The following WWP1 variants were observed in gnomAD, a reference collection of about 807,000 sequenced individuals.
The protein encoded by WWP1 is WW domain containing E3 ubiquitin protein ligase 1, also known as NEDD4-like E3 ubiquitin-protein ligase WWP1.
WWP1 carries 49 observed loss-of-function variants against 130.6 expected under a neutral mutation model. The observed-to-expected ratio is 0.38, with a 90% confidence interval of 0.30 to 0.48. The LOEUF (loss-of-function observed/expected upper bound fraction) is 0.48, where lower values mean the gene tolerates loss of function less well. Ranked by LOEUF, WWP1 falls within the 20% of genes least tolerant of loss-of-function variation. The probability of loss-of-function intolerance (pLI) is 0.99; values close to 1 mark genes in which losing one functional copy is unlikely to be tolerated. For synonymous variants in WWP1, 332 were observed against 367.8 expected (o/e 0.90, Z 1.11); for missense variants, 809 against 1,100.6 (o/e 0.74, Z 3.75).
At chr8:86,375,970 G>T (rs926130146) in intron 3 of WWP1, among the ~76,000 whole-genome samples, 3 of 152,192 alleles carry the variant, frequency 2.0e-5, no homozygotes, top group African/African-American at 7.2e-5. Flanking sequence ...CACTGAAGTG[G>T]TATCTTAGTG....
intron 8 of WWP1, among the ~76,000 whole-genome samples, chr8:86,408,019 A>G (rs1180188792): frequency 1.3e-5 from 2 of 152,230 alleles, no homozygotes; most frequent in Non-Finnish European, 1.5e-5. Context: ...TATCATACAG[A>G]ATAGTTTTAC....
At chr8:86,394,305 T>C (rs1041679275) in intron 5 of WWP1, among the ~76,000 whole-genome samples, 2 of 152,196 alleles carry the variant, frequency 1.3e-5, no homozygotes, top group African/African-American at 4.8e-5. Flanking sequence ...GTATTAACAC[T>C]AAGGAAGAAG....
chr8:86,406,607 C>T (rs963168170), intron 8 of WWP1, among the ~76,000 whole-genome samples: 5 of 152,156 alleles, frequency 3.3e-5, no homozygotes, highest in African/African-American at 1.2e-4. Flanking sequence ...AGGAAATTGA[C>T]ATGAATACAA....
chr8:86,381,497 C>T lies in WWP1; in HGVS notation c.210-8C>T. ...CCTGTATTTTTGTTAATAATTTTAC[C>T]CTTCCAGAAATGTTACGCCACAGAC... On this transcript the variant is annotated splice_region_variant and splice_polypyrimidine_tract_variant and intron_variant, in intron 4 of 24. Coordinates refer to ENST00000517970, the MANE Select transcript of WWP1 (RefSeq NM_007013.4). 6.3e-7 allele frequency: 1 copy of T among 1,599,002 alleles called. No homozygotes were observed. The highest frequency in any genetic ancestry group is 8.5e-7 in the Non-Finnish European group (1 of 1,176,244).
intron 5 of WWP1, among the ~76,000 whole-genome samples, chr8:86,389,355 ACT>A (rs1239003969): frequency 1.3e-5 from 2 of 151,748 alleles, no homozygotes; most frequent in Non-Finnish European, 2.9e-5. Context: ...GAGTGTGATG[ACT>A]CTTAACGAGT....
chr8:86,372,945 C>G (rs930679459), intron 2 of WWP1, among the ~76,000 whole-genome samples: 6 of 152,066 alleles, frequency 3.9e-5, no homozygotes, highest in African/African-American at 1.2e-4. Flanking sequence ...ACCAGATGAC[C>G]TACTAACACA....
At chr8:86,357,540 A>G (rs981523654) in intron 1 of WWP1, among the ~76,000 whole-genome samples, 5 of 152,240 alleles carry the variant, frequency 3.3e-5, no homozygotes, top group Non-Finnish European at 5.9e-5. Flanking sequence ...AGTAGCAAAT[A>G]TGTATTAAAC....
intron 24 of WWP1, among the ~76,000 whole-genome samples, chr8:86,463,631 A>ATT (rs145349940): frequency 2.7e-5 from 4 of 150,872 alleles, no homozygotes; most frequent in Non-Finnish European, 4.4e-5. Flanking sequence ...AGCAAATGTG[A>ATT]TTTTTTTTTC....
intron 1 of WWP1, among the ~76,000 whole-genome samples, chr8:86,343,755 G>C (rs1159585094): frequency 6.6e-6 from 1 of 151,914 alleles, no homozygotes; most frequent in Non-Finnish European, 1.5e-5. Context: ...TATTTTCCAG[G>C]GGCTTGATTT....
chr8:86,362,163 C>CGTATATAT (rs1554554005), intron 1 of WWP1, among the ~76,000 whole-genome samples: 3 of 59,022 alleles, frequency 5.1e-5, no homozygotes, highest in African/African-American at 3.0e-4. Context: ...ATATACAAGG[C>CGTATATAT]ATATATATAT....
chr8:86,375,037 G>A (rs1361463776), intron 3 of WWP1, among the ~76,000 whole-genome samples: 1 of 151,906 alleles, frequency 6.6e-6, no homozygotes, highest in Non-Finnish European at 1.5e-5. Flanking sequence ...CATTCAAAAT[G>A]ACATTATCAT....
At chr8:86,379,133 A>G (rs1824838303) in intron 3 of WWP1, among the ~76,000 whole-genome samples, 1 of 152,180 alleles carries the variant, frequency 6.6e-6, no homozygotes, top group Non-Finnish European at 1.5e-5. Flanking sequence ...GAGGAAATAT[A>G]TGAGCACTTT....
intron 9 of WWP1, among the ~76,000 whole-genome samples, chr8:86,419,391 T>G (rs972159210): frequency 6.6e-6 from 1 of 152,180 alleles, no homozygotes; most frequent in African/African-American, 2.4e-5. Flanking sequence ...GCAGTCCAGC[T>G]TGGGTGACAG....
At chr8:86,420,154 G>A (rs192609515) in intron 9 of WWP1, among the ~76,000 whole-genome samples, 2 of 152,262 alleles carry the variant, frequency 1.3e-5, no homozygotes, top group East Asian at 1.9e-4. Flanking sequence ...TGCTAGGAGA[G>A]GAGTGAAAGG....
chr8:86,449,907 A>G (rs188722606), intron 20 of WWP1, among the ~76,000 whole-genome samples: 29 of 152,212 alleles, frequency 1.9e-4, no homozygotes, highest in East Asian at 1.5e-3. Flanking sequence ...ATTTTTTTCT[A>G]TATTCTTCAG....
At chr8:86,347,781 A>G (rs1403289899) in intron 1 of WWP1, among the ~76,000 whole-genome samples, 2 of 152,194 alleles carry the variant, frequency 1.3e-5, no homozygotes, top group African/African-American at 4.8e-5. Flanking sequence ...TCCCTTTTAT[A>G]AAAGCTTAGT....
At chr8:86,450,244 G>T (rs1296972297) in intron 20 of WWP1, among the ~76,000 whole-genome samples, 3 of 152,010 alleles carry the variant, frequency 2.0e-5, no homozygotes, top group African/African-American at 7.3e-5. Context: ...TGCTAAACCA[G>T]TCATCTCTGA....
intron 3 of WWP1, among the ~76,000 whole-genome samples, chr8:86,380,290 T>C (rs1158438762): frequency 6.6e-6 from 1 of 151,994 alleles, no homozygotes; most frequent in Admixed American, 6.6e-5. Flanking sequence ...ATATGAAATG[T>C]CCAGAATAGG....
chr8:86,359,825 G>A (rs1349460490), intron 1 of WWP1, among the ~76,000 whole-genome samples: 3 of 151,928 alleles, frequency 2.0e-5, no homozygotes, highest in South Asian at 4.1e-4. Context: ...GGAGGCGGGC[G>A]GATCACGAGG....
Sources: allele counts gnomAD v4.1 joint callset (sites outside exome capture counted in the v4.1 genomes callset), GRCh38; gene constraint gnomAD v4.1.1; transcripts MANE v1.5; gene names NCBI Gene and HGNC (gene_info 2026-07-23, HGNC 2026-07-21).